The following FFAR4 variants were observed in gnomAD, a reference collection of about 807,000 sequenced individuals.
FFAR4 encodes free fatty acid receptor 4.
Under a neutral mutation model 27.0 loss-of-function variants are expected in FFAR4, and 19 were observed. The ratio of observed to expected loss-of-function variants is 0.70; its 90% CI spans 0.49 to 1.03. The LOEUF (loss-of-function observed/expected upper bound fraction) is 1.03, where lower values mean the gene tolerates loss of function less well. FFAR4 is among the 50% of genes least tolerant of loss of function. The pLI, the probability that FFAR4 is intolerant of heterozygous loss-of-function variation, is 0.00. For missense variants in FFAR4, 476 were observed against 479.0 expected (o/e 0.99, Z 0.06); for synonymous variants, 254 against 215.6 (o/e 1.18, Z -1.56).
chr10:93,576,558 C>G (rs2058165133), intron 2 of FFAR4, among the ~76,000 whole-genome samples: 1 of 152,116 alleles, frequency 6.6e-6, no homozygotes, highest in Non-Finnish European at 1.5e-5. Flanking sequence ...TTCTTATAAG[C>G]TTATGTATAT....
intron 2 of FFAR4, among the ~76,000 whole-genome samples, chr10:93,576,792 T>C (rs756878644): frequency 2.6e-5 from 4 of 152,248 alleles, no homozygotes; most frequent in Non-Finnish European, 5.9e-5. Flanking sequence ...TCATTTATTT[T>C]ATGGTCTTTT....
intron 2 of FFAR4, among the ~76,000 whole-genome samples, chr10:93,581,865 C>T (rs1274182099): frequency 6.6e-6 from 1 of 152,172 alleles, no homozygotes; most frequent in Non-Finnish European, 1.5e-5. Flanking sequence ...AGGTGCTGTG[C>T]CTCACCGGAG....
In FFAR4 at chr10:93,588,640, CA is replaced by C. The variant is rs1341151264; in HGVS notation, c.*1032del. On this transcript the variant is annotated 3_prime_UTR_variant, in exon 3 of 3. Transcript: ENST00000371481. ...TCTCTCAGGGAACTTACCTTCGAGT[CA>C]GGGGCAGAAAAACTAAATAAAAGTC... is the stretch of plus-strand genomic sequence containing the variant. 2.0e-5 allele frequency: 3 copies of C among 152,258 alleles called. No individual in the cohort carries two copies. The highest frequency in any genetic ancestry group is 2.0e-4 in the Admixed American group (3 of 15,300). The allele number at this position is 152,258 out of a possible 1,614,324, so 9.4% of individuals were successfully genotyped here.
At chr10:93,572,218 G>A (rs1341226770) in intron 1 of FFAR4, among the ~76,000 whole-genome samples, 1 of 152,190 alleles carries the variant, frequency 6.6e-6, no homozygotes, top group Non-Finnish European at 1.5e-5. Flanking sequence ...GAGAGCTGTG[G>A]AAAGGTCTCT....
chr10:93,573,319 G>T (rs538279413), intron 1 of FFAR4, among the ~76,000 whole-genome samples: 5 of 152,214 alleles, frequency 3.3e-5, no homozygotes, highest in Non-Finnish European at 5.9e-5. Flanking sequence ...AACAAGGCAG[G>T]CCTGCCACTT....
chr10:93,587,467 C>A lies in FFAR4; in HGVS notation c.944C>A (p.Ala315Asp). 1 of 1,614,126 alleles carries A rather than the reference C, an allele frequency of 6.2e-7. No homozygotes were observed. The highest frequency in any genetic ancestry group is 8.5e-7 in the Non-Finnish European group (1 of 1,180,030). The change falls in exon 3 of 3, where the codon GCC becomes GAC. Residue 315 changes from alanine to aspartate, a missense_variant. Ala to Asp is a moderately radical substitution (Grantham distance 126). Coordinates refer to ENST00000371481, the MANE Select transcript of FFAR4 (RefSeq NM_001195755.2). ...GTGGCCTTCACATTTGCTAATTCAG[C>A]CCTAAACCCCATCCTCTACAACATG... is the stretch of plus-strand genomic sequence containing the variant. The part of the protein sequence containing the change: ...WVVAFTFANS[A>D]LNPILYNMTL...
At chr10:93,568,966 G>T (rs1027171427) in intron 1 of FFAR4, among the ~76,000 whole-genome samples, 4 of 152,098 alleles carry the variant, frequency 2.6e-5, no homozygotes, top group Non-Finnish European at 5.9e-5. Context: ...CCATTTATGG[G>T]CAGACCAAGG....
At chr10:93,585,986 A>G (rs74516368) in intron 2 of FFAR4, among the ~76,000 whole-genome samples, 3,045 of 152,298 alleles carry the variant, frequency 0.02, 82 homozygotes, top group African/African-American at 0.066. Flanking sequence ...TGCAAAAGGA[A>G]AGGAACCTAG....
At chr10:93,580,280 A>G (rs1308910737) in intron 2 of FFAR4, among the ~76,000 whole-genome samples, 4 of 152,252 alleles carry the variant, frequency 2.6e-5, no homozygotes, top group Admixed American at 2.0e-4. Context: ...ATAATAACAG[A>G]CAATTCACAA....
intron 2 of FFAR4, among the ~76,000 whole-genome samples, chr10:93,576,603 A>T (rs2058165466): frequency 6.6e-6 from 1 of 152,202 alleles, no homozygotes; most frequent in Non-Finnish European, 1.5e-5. Context: ...GATGAACCAT[A>T]TGAAATTGCA....
chr10:93,576,692 T>A (rs2058165940), intron 2 of FFAR4, among the ~76,000 whole-genome samples: 3 of 152,220 alleles, frequency 2.0e-5, no homozygotes, highest in Admixed American at 6.5e-5. Flanking sequence ...GCTCTGTAAC[T>A]CCTTTTTTCA....
chr10:93,572,417 A>G (rs1341827911), intron 1 of FFAR4, among the ~76,000 whole-genome samples: 1 of 152,152 alleles, frequency 6.6e-6, no homozygotes, highest in Non-Finnish European at 1.5e-5. Context: ...TCCACCACAC[A>G]TGTGTAGAGC....
chr10:93,574,435 T>C (rs998686663), intron 1 of FFAR4, among the ~76,000 whole-genome samples: 1 of 152,154 alleles, frequency 6.6e-6, no homozygotes, highest in Admixed American at 6.5e-5. Context: ...ATCCATTTCT[T>C]CCGATTGATG....
chr10:93,584,988 A>G (rs1008566483), intron 2 of FFAR4, among the ~76,000 whole-genome samples: 2 of 152,236 alleles, frequency 1.3e-5, no homozygotes, highest in African/African-American at 4.8e-5. Context: ...GATTCCAGGC[A>G]TGAGCCACTG....
At chr10:93,568,807 G>A (rs774135820) in intron 1 of FFAR4, among the ~76,000 whole-genome samples, 1 of 152,086 alleles carries the variant, frequency 6.6e-6, no homozygotes, top group Non-Finnish European at 1.5e-5. Flanking sequence ...GGAATACATT[G>A]TGGGGTGTTT....
chr10:93,583,756 G>A (rs989167653), intron 2 of FFAR4, among the ~76,000 whole-genome samples: 4 of 152,184 alleles, frequency 2.6e-5, no homozygotes, highest in African/African-American at 9.7e-5. Flanking sequence ...CTGTAAAATG[G>A]GGATCATCAC....
intron 2 of FFAR4, among the ~76,000 whole-genome samples, chr10:93,585,993 C>T (rs1016012510): frequency 9.8e-5 from 15 of 152,296 alleles, no homozygotes; most frequent in Admixed American, 9.8e-4. Context: ...GGAAAGGAAC[C>T]TAGGGTGGGG....
intron 2 of FFAR4, among the ~76,000 whole-genome samples, chr10:93,586,455 G>C (rs1303017309): frequency 1.3e-5 from 2 of 152,154 alleles, no homozygotes; most frequent in Non-Finnish European, 2.9e-5. Context: ...AGCAGCATGA[G>C]AACGGAATAA....
intron 2 of FFAR4, among the ~76,000 whole-genome samples, chr10:93,579,718 A>T (rs577391713): frequency 2.0e-5 from 3 of 152,184 alleles, no homozygotes; most frequent in Non-Finnish European, 2.9e-5. Context: ...TGTTGAATGA[A>T]TGAGGCATGA....
Sources: gnomAD v4.1 joint callset for allele counts (sites outside exome capture counted in the v4.1 genomes callset) on GRCh38, gnomAD v4.1.1 for gene constraint, MANE v1.5 for transcripts, NCBI Gene and HGNC (gene_info 2026-07-23, HGNC 2026-07-21) for gene names.